The following IP6K3 variants were observed in gnomAD, a reference collection of about 807,000 sequenced individuals.
IP6K3 encodes the protein ATP:1D-myo-inositol-hexakisphosphate phosphotransferase.
A neutral mutation model predicts 28.8 loss-of-function variants in IP6K3; 20 were observed. The observed-to-expected ratio is 0.70, with a 90% CI of 0.49 to 1.01. IP6K3 has a LOEUF of 1.01. Ranked by LOEUF, IP6K3 falls within the 50% of genes least tolerant of loss-of-function variation. The probability of loss-of-function intolerance (pLI) is 0.00; values close to 1 mark genes in which losing one functional copy is unlikely to be tolerated. For missense variants in IP6K3, 480 were observed against 537.1 expected (o/e 0.89, Z 1.05); for synonymous variants, 213 against 221.3 (o/e 0.96, Z 0.33).
chr6:33,722,728 C>T lies in IP6K3; in HGVS notation c.1225G>A (p.Gly409Arg). The T allele has an allele frequency of 6.2e-7, 1 of 1,601,894 alleles. No homozygotes were observed. Among genetic ancestry groups the T allele is most frequent in the Non-Finnish European group, 8.5e-7 (1 of 1,172,624 alleles). ...GATAAGCCCAGGAAGTTTCATTCTC[C>T]CTCTTGGATATCCTGCAGGATCCTG... ...LIRILQDIQEGE is the reference protein window; with the variant it reads ...LIRILQDIQERE Residue 409 changes from glycine (G) to arginine (R), a missense_variant, in exon 6 of 6, where the codon GGA (glycine) becomes AGA (arginine). Physicochemically the swap from Gly to Arg is moderately radical, Grantham distance 125. Coordinates refer to ENST00000293756, the MANE Select transcript of IP6K3 (RefSeq NM_054111.5).
At chr6:33,748,642 CAAAA>C (rs35735336), upstream of IP6K3, among the ~76,000 whole-genome samples, 2 of 38,342 alleles carry the variant, frequency 5.2e-5, no homozygotes, top group Non-Finnish European at 9.6e-5. Flanking sequence ...ACCCTGTCTC[CAAAA>C]AAAAAAAAAA....
intron 2 of IP6K3, among the ~76,000 whole-genome samples, chr6:33,730,704 G>T (rs1766290077): frequency 6.6e-6 from 1 of 152,118 alleles, no homozygotes; most frequent in African/African-American, 2.4e-5. Context: ...GGTTTTGACG[G>T]TGGGCGCCTA....
At chr6:33,757,380 G>T in the IP6K3 span, among the ~76,000 whole-genome samples, 1 of 152,194 alleles carries the variant, frequency 6.6e-6, no homozygotes, top group Non-Finnish European at 1.5e-5. Flanking sequence ...TTCCAGAGGC[G>T]CCTTGGTGCC....
rs964287077 is a variant in IP6K3, at chr6:33,742,298, G to A, written c.-180+4460C>T. Among the ~76,000 whole-genome samples the A allele has an allele frequency of 6.6e-6, 1 of 152,190 alleles. No homozygotes were observed. The highest frequency in any genetic ancestry group is 2.4e-5 in the African/African-American group (1 of 41,456). ...GAGTGGCTGCTGAGTTGCTCTGGCTGTCTCTGGGAGTCTCGGAGACCCAGG... is the reference window on the plus strand; with the variant it reads ...GAGTGGCTGCTGAGTTGCTCTGGCTATCTCTGGGAGTCTCGGAGACCCAGG... On this transcript the variant is annotated intron_variant, in intron 1 of 5. Coordinates refer to ENST00000293756, the MANE Select transcript of IP6K3 (RefSeq NM_054111.5). The surrounding 1 kb of genome is among the most constrained non-coding windows in gnomAD (Gnocchi z 4.5).
chr6:33,733,205 A>C (rs987703584), intron 2 of IP6K3, among the ~76,000 whole-genome samples: 1 of 152,248 alleles, frequency 6.6e-6, no homozygotes, highest in Non-Finnish European at 1.5e-5. Flanking sequence ...GCAGATGCTG[A>C]GGCATCCCCT....
At chr6:33,760,718 G>A in the IP6K3 span, among the ~76,000 whole-genome samples, 1 of 152,186 alleles carries the variant, frequency 6.6e-6, no homozygotes, top group East Asian at 1.9e-4. Context: ...AGTAGAGACG[G>A]GGTTTTGCCA....
At chr6:33,727,940 A>G in intron 3 of IP6K3, 147 bp downstream of exon 3, 3 of 1,430,956 alleles carry the variant, frequency 2.1e-6, no homozygotes, top group South Asian at 1.5e-5. Flanking sequence ...CTTTGGTCAC[A>G]TTGGTTATTC....
intron 5 of IP6K3, among the ~76,000 whole-genome samples, chr6:33,724,871 T>A (rs764490540): frequency 2.3e-4 from 35 of 152,206 alleles, no homozygotes; most frequent in African/African-American, 7.5e-4. Context: ...GTGGAAAGTT[T>A]CGGCTGCCAA....
chr6:33,760,845 G>A, the IP6K3 span, among the ~76,000 whole-genome samples: 1 of 151,918 alleles, frequency 6.6e-6, no homozygotes, highest in East Asian at 1.9e-4. Flanking sequence ...TGTTTTTAGA[G>A]CTGGCCGTTA....
chr6:33,726,639 T>G, intron 4 of IP6K3, 92 bp downstream of exon 4: 4 of 1,289,842 alleles, frequency 3.1e-6, no homozygotes, highest in Non-Finnish European at 4.3e-6. Context: ...TGGCCCCGTG[T>G]TTGTGTGTGT....
chr6:33,757,269 C>G, the IP6K3 span, among the ~76,000 whole-genome samples: 2 of 152,258 alleles, frequency 1.3e-5, no homozygotes, highest in African/African-American at 4.8e-5. Context: ...ATCCACCTCT[C>G]TCCTCTTCTT....
chr6:33,732,876 C>T (rs1390620877), intron 2 of IP6K3, among the ~76,000 whole-genome samples: 1 of 152,256 alleles, frequency 6.6e-6, no homozygotes, highest in African/African-American at 2.4e-5. Flanking sequence ...GAGCAGACCT[C>T]AGCCACCTGT....
At chr6:33,729,273 T>C (rs1356232048) in intron 2 of IP6K3, among the ~76,000 whole-genome samples, 1 of 152,208 alleles carries the variant, frequency 6.6e-6, no homozygotes, top group East Asian at 1.9e-4. Flanking sequence ...CGCCAGAGTC[T>C]TGGTAGTAGC....
At position 33,722,646 on chromosome 6, in the gene IP6K3, G is replaced by A; in HGVS notation, c.*74C>T. On this transcript the variant is annotated 3_prime_UTR_variant, in exon 6 of 6. Transcript: ENST00000293756. ...TTATGAAGACATCTAAGGGGTGTCT[G>A]GACTACCCTAGCAACCAACAGGTCT... 1.4e-5 allele frequency: 14 copies of A among 1,016,420 alleles called. No homozygotes were observed. The highest frequency in any genetic ancestry group is 2.1e-5 in the Non-Finnish European group (14 of 672,040). The allele number at this position is 1,016,420 out of a possible 1,614,324, so 63.0% of individuals were successfully genotyped here. A position where few individuals can be genotyped will look rare whatever the true frequency, so the allele number is the denominator to read the frequency against.
chr6:33,741,209 AT>A (rs889675453), intron 1 of IP6K3, among the ~76,000 whole-genome samples: 6 of 152,322 alleles, frequency 3.9e-5, no homozygotes, highest in South Asian at 2.1e-4. Flanking sequence ...TACTGGATAT[AT>A]AGCATTATGG....
intron 2 of IP6K3, 130 bp from the exon 3 acceptor site, chr6:33,728,430 CT>C: frequency 4.9e-6 from 4 of 808,700 alleles, no homozygotes; most frequent in Non-Finnish European, 8.0e-6. Flanking sequence ...CCCAGCTCCT[CT>C]CTCAAGGAAG....
At chr6:33,732,801 A>G (rs147176034) in intron 2 of IP6K3, among the ~76,000 whole-genome samples, 8 of 152,334 alleles carry the variant, frequency 5.3e-5, no homozygotes, top group Non-Finnish European at 1.2e-4. Flanking sequence ...GGTTTAGCAG[A>G]TGTGGCTTTG....
the IP6K3 span, among the ~76,000 whole-genome samples, chr6:33,756,152 C>A: frequency 6.6e-6 from 1 of 152,168 alleles, no homozygotes; most frequent in Non-Finnish European, 1.5e-5. Flanking sequence ...GCGTGAGCCA[C>A]CATGCCCAGC....
At chr6:33,728,058 G>T in intron 3 of IP6K3, 29 bp downstream of exon 3, 1 of 1,594,144 alleles carries the variant, frequency 6.3e-7, no homozygotes, top group Non-Finnish European at 8.5e-7. Flanking sequence ...GAGGGACAGG[G>T]TTTCTGTCAT....
Sources: gnomAD v4.1 joint callset for allele counts (sites outside exome capture counted in the v4.1 genomes callset) on GRCh38, gnomAD v4.1.1 for gene constraint, Gnocchi (gnomAD v3.1) non-coding constraint, MANE v1.5 for transcripts, NCBI Gene and HGNC (gene_info 2026-07-23, HGNC 2026-07-21) for gene names.